Variants in LRTM1 observed in about 807,000 individuals in gnomAD.
LRTM1 encodes the protein leucine-rich repeat and transmembrane domain-containing protein 1.
LRTM1 carries 38 observed loss-of-function variants against 32.4 expected under a neutral mutation model. The ratio of observed to expected loss-of-function variants is 1.17; its 90% CI spans 0.91 to 1.54. The LOEUF (loss-of-function observed/expected upper bound fraction) is 1.54. Ranked by LOEUF, LRTM1 falls within the 40% of genes most tolerant of loss-of-function variation. LRTM1 has a pLI of 0.00. For synonymous variants in LRTM1, 186 were observed against 169.9 expected (o/e 1.09, Z -0.74); for missense variants, 466 against 415.4 (o/e 1.12, Z -1.06).
intron 1 of LRTM1, among the ~76,000 whole-genome samples, chr3:54,945,177 C>T (rs1045869012): frequency 2.0e-5 from 3 of 152,168 alleles, no homozygotes; most frequent in Admixed American, 2.0e-4. Context: ...TCAGCCCCTC[C>T]TCCCTCCCTC....
Position 54,928,032 on chromosome 3 carries a change from G to T in LRTM1, c.-121C>A, listed in dbSNP as rs1701077039. ...TTTACATTCAGTCTTTCTGAACCCT[G>T]CCCTTGCTTTTCTTCAATGCAGAAA... On this transcript the variant is annotated 5_prime_UTR_variant, in exon 1 of 3. Transcript: ENST00000273286. The T allele has an allele frequency of 1.1e-6, 1 of 911,838 alleles. No homozygotes were observed. Among genetic ancestry groups the T allele is most frequent in the Non-Finnish European group, 1.8e-6 (1 of 564,436 alleles). 56.5% of individuals were successfully genotyped at this position (911,838 alleles called of 1,614,324 possible).
intron 1 of LRTM1, 134 bp downstream of exon 1, chr3:54,927,769 CAG>C: frequency 1.1e-6 from 1 of 939,232 alleles, no homozygotes. Flanking sequence ...TCATTCCATG[CAG>C]AGACATTTTT....
In LRTM1 at chr3:54,924,699, A is replaced by G. The variant is rs1390907793; in HGVS notation, c.524T>C (p.Leu175Ser). The G allele has an allele frequency of 1.6e-5, 26 of 1,614,044 alleles. No homozygotes were observed. In the Admixed American group the frequency reaches 2.8e-4, roughly 18 times the overall value. Residue 175 changes from leucine to serine, a missense_variant, in exon 2 of 3, where the codon TTA (leucine) becomes TCA (serine). Transcript: ENST00000273286. ...LLESMPSVRL[L>S]LLKDNLWKCN... is the part of the protein sequence containing the mutation. ...TTTCCAGAGGTTGTCCTTGAGAAGT[A>G]AAAGCCTCACACTGGGCATGGATTC...
intron 2 of LRTM1, among the ~76,000 whole-genome samples, chr3:54,924,071 TG>T (rs1700939388): frequency 6.6e-6 from 1 of 152,208 alleles, no homozygotes; most frequent in Admixed American, 6.5e-5. Context: ...TCTCTTGCTT[TG>T]CTGTTGTCAT....
chr3:54,935,044 G>A (rs894998599), intron 1 of LRTM1, among the ~76,000 whole-genome samples: 4 of 152,138 alleles, frequency 2.6e-5, no homozygotes, highest in African/African-American at 9.7e-5. Flanking sequence ...AAGTCTGGAG[G>A]GTGCTATTTA....
chr3:54,938,513 C>T (rs1013478604), intron 1 of LRTM1, among the ~76,000 whole-genome samples: 2 of 152,140 alleles, frequency 1.3e-5, no homozygotes, highest in Non-Finnish European at 2.9e-5. Context: ...GCAAGTTTGA[C>T]TAGCCCAAAT....
chr3:54,939,073 G>T (rs1166730417), intron 1 of LRTM1, among the ~76,000 whole-genome samples: 1 of 152,204 alleles, frequency 6.6e-6, no homozygotes, highest in East Asian at 1.9e-4. Context: ...TTATTTAGCA[G>T]TTTATTATTT....
intron 1 of LRTM1, among the ~76,000 whole-genome samples, chr3:54,944,774 T>A (rs1405034120): frequency 6.6e-6 from 1 of 152,080 alleles, no homozygotes; most frequent in African/African-American, 2.4e-5. Flanking sequence ...CACAATAACT[T>A]CTTTTATCTC....
chr3:54,928,711 A>G (rs1347235205), upstream of LRTM1, among the ~76,000 whole-genome samples: 2 of 111,992 alleles, frequency 1.8e-5, no homozygotes, highest in African/African-American at 6.9e-5. Context: ...CACCCCACCC[A>G]CTCCCCAGCC....
upstream of LRTM1, among the ~76,000 whole-genome samples, chr3:54,929,790 G>T (rs1421667192): frequency 1.3e-5 from 2 of 152,082 alleles, no homozygotes; most frequent in Admixed American, 6.5e-5. Context: ...CAGGTGCACA[G>T]AATTTAATGA....
At chr3:54,937,733 C>G (rs111827646) in intron 1 of LRTM1, among the ~76,000 whole-genome samples, 1 of 151,828 alleles carries the variant, frequency 6.6e-6, no homozygotes, top group African/African-American at 2.4e-5. Flanking sequence ...GGGGAAGAGA[C>G]GAGGGCCATT....
intron 1 of LRTM1, among the ~76,000 whole-genome samples, chr3:54,939,582 C>T (rs541824581): frequency 2.6e-5 from 4 of 152,280 alleles, no homozygotes; most frequent in East Asian, 3.9e-4. Context: ...GTGCTGGGGC[C>T]GGAGGTGGGG....
chr3:54,925,281 G>A (rs1049684424), intron 1 of LRTM1, 66 bp from the exon 2 acceptor site: 26 of 1,337,392 alleles, frequency 1.9e-5, no homozygotes, highest in East Asian at 1.2e-4. Context: ...GCACTTTTCC[G>A]CCTTTGAATT....
intron 1 of LRTM1, among the ~76,000 whole-genome samples, chr3:54,948,153 C>G (rs968741453): frequency 6.6e-6 from 1 of 152,190 alleles, no homozygotes; most frequent in African/African-American, 2.4e-5. Flanking sequence ...ATTTCTACTT[C>G]TCCTCTCACC....
rs571386916 is a variant in LRTM1 at position 54,950,219 on chromosome 3, C to T, written c.-222+16709G>A. Among the ~76,000 whole-genome samples the T allele has an allele frequency of 6.6e-5, 10 of 152,348 alleles. No homozygotes were observed. In the South Asian group the frequency reaches 2.1e-3, roughly 32 times the overall value. ...TTTGTTCTGAGCTGGCAAACTTCAA[C>T]ATGCTCAAGCAATGTTTTGTCAAAT... On this transcript the variant is annotated intron_variant, in intron 1 of 2. Coordinates refer to the LRTM1 transcript ENST00000493075.
chr3:54,933,124 ACCT>A, intron 1 of LRTM1, among the ~76,000 whole-genome samples: 1 of 130,312 alleles, frequency 7.7e-6, no homozygotes, highest in South Asian at 2.5e-4. Context: ...TTCTTTCTGG[ACCT>A]CTGCCTTTGG....
chr3:54,957,145 A>G (rs1701917316), intron 1 of LRTM1, among the ~76,000 whole-genome samples: 4 of 145,210 alleles, frequency 2.8e-5, no homozygotes, highest in African/African-American at 1.0e-4. Flanking sequence ...ATTCCTATGA[A>G]TCAAGTTATA....
chr3:54,960,988 C>T (rs536479149), intron 1 of LRTM1, among the ~76,000 whole-genome samples: 2 of 152,294 alleles, frequency 1.3e-5, no homozygotes, highest in African/African-American at 4.8e-5. Flanking sequence ...TTTCCAAACC[C>T]TGGGTTAATC....
intron 1 of LRTM1, among the ~76,000 whole-genome samples, chr3:54,953,395 G>T (rs1469800147): frequency 6.6e-6 from 1 of 152,100 alleles, no homozygotes; most frequent in African/African-American, 2.4e-5. Flanking sequence ...GTAACACTAC[G>T]GCTTCTTACC....
Sources: gnomAD v4.1 joint callset for allele counts (sites outside exome capture counted in the v4.1 genomes callset) on GRCh38, gnomAD v4.1.1 for gene constraint, MANE v1.5 for transcripts, NCBI Gene and HGNC (gene_info 2026-07-23, HGNC 2026-07-21) for gene names.